LNX2: variants seen among roughly 807,000 people sequenced by gnomAD.
The protein encoded by LNX2 is ligand of numb-protein X 2, also known as ligand of Numb protein X 2.
LNX2 carries 35 observed loss-of-function variants against 66.2 expected under a neutral mutation model. The observed-to-expected ratio is 0.53, with a 90% CI of 0.40 to 0.70. The LOEUF (loss-of-function observed/expected upper bound fraction) is 0.70. LNX2 is among the 30% of genes least tolerant of loss of function. LNX2 has a pLI of 0.00. For missense variants in LNX2, 791 were observed against 850.8 expected (o/e 0.93, Z 0.87); for synonymous variants, 337 against 315.6 (o/e 1.07, Z -0.72).
intron 5 of LNX2, among the ~76,000 whole-genome samples, chr13:27,561,227 G>T (rs1218161032): frequency 6.6e-6 from 1 of 152,080 alleles, no homozygotes; most frequent in Non-Finnish European, 1.5e-5. Flanking sequence ...TCATCCAATT[G>T]AATGAACTAG....
At chr13:27,588,448 G>C (rs1373900818) in intron 1 of LNX2, among the ~76,000 whole-genome samples, 1 of 152,196 alleles carries the variant, frequency 6.6e-6, no homozygotes, top group African/African-American at 2.4e-5. Flanking sequence ...ATTGTTCCAT[G>C]CATATAACAT....
At chr13:27,620,317 G>A (rs912212310) in intron 1 of LNX2, 58 bp downstream of exon 1, 20 of 152,234 alleles carry the variant, frequency 1.3e-4, no homozygotes, top group African/African-American at 4.8e-4. Context: ...CACCTGAGGC[G>A]GCTGCCCGCA....
intron 1 of LNX2, among the ~76,000 whole-genome samples, chr13:27,587,750 G>A (rs572359693): frequency 5.6e-4 from 85 of 151,670 alleles, no homozygotes; most frequent in Non-Finnish European, 9.6e-4. Context: ...CGCCAGGCGC[G>A]GTGGCTCACG....
rs541446267 is a variant in LNX2, at chr13:27,546,625, T to A, written c.*1710A>T. ...AATCAGTGACATGCTACAGATACAA[T>A]AAACCCCAGCAATACAATTGCTAAG... On this transcript the variant is annotated 3_prime_UTR_variant, in exon 10 of 10. Coordinates refer to ENST00000316334, the MANE Select transcript of LNX2 (RefSeq NM_153371.4). 1 of 152,310 alleles carries A rather than the reference T, an allele frequency of 6.6e-6. No individual in the cohort carries two copies. The highest frequency in any genetic ancestry group is 1.5e-5 in the Non-Finnish European group (1 of 68,014). The allele number at this position is 152,310 out of a possible 1,614,324, so 9.4% of individuals were successfully genotyped here.
chr13:27,613,259 A>G (rs1955791851), intron 1 of LNX2, among the ~76,000 whole-genome samples: 1 of 151,868 alleles, frequency 6.6e-6, no homozygotes, highest in Admixed American at 6.6e-5. Flanking sequence ...CAAGGCCAAA[A>G]GGTGTCCCTG....
At position 27,562,298 on chromosome 13, in the gene LNX2, T is replaced by C. The variant is rs1193929632; in HGVS notation, c.1224+115A>G. ...AAGAATTCAGGTAGCCACACCCGAT[T>C]TTCTAATGAAATATAAAATGTCCCC... On this transcript the variant is annotated intron_variant, in intron 5 of 9. Coordinates refer to ENST00000316334, the MANE Select transcript of LNX2 (RefSeq NM_153371.4). 24 of 1,332,028 alleles carry C rather than the reference T, an allele frequency of 1.8e-5. No individual in the cohort carries two copies. The South Asian group carries it at 3.3e-4, about 19-fold the overall frequency. 82.5% of individuals were successfully genotyped at this position (1,332,028 alleles called of 1,614,324 possible). A position where few individuals can be genotyped will look rare whatever the true frequency, so the allele number is the denominator to read the frequency against.
At chr13:27,549,389 T>G (rs141603651) in intron 9 of LNX2, among the ~76,000 whole-genome samples, 1 of 150,800 alleles carries the variant, frequency 6.6e-6, no homozygotes, top group Non-Finnish European at 1.5e-5. Context: ...CTGGTGATGA[T>G]GTCTTGCCAT....
chr13:27,594,722 G>T (rs1006107465), intron 1 of LNX2, among the ~76,000 whole-genome samples: 1 of 151,948 alleles, frequency 6.6e-6, no homozygotes, highest in Non-Finnish European at 1.5e-5. Flanking sequence ...TATATTCCCA[G>T]TATCACATAA....
chr13:27,569,297 G>T, intron 2 of LNX2, 21 bp from the exon 3 acceptor site: 1 of 1,596,830 alleles, frequency 6.3e-7, no homozygotes, highest in South Asian at 1.1e-5. Flanking sequence ...AATATCAGAT[G>T]GTTTCCAGAT....
intron 4 of LNX2, among the ~76,000 whole-genome samples, chr13:27,564,834 AAATACC>A (rs540284636): frequency 5.0e-4 from 76 of 152,314 alleles, no homozygotes; most frequent in African/African-American, 1.8e-3. Flanking sequence ...AGATAGTAAA[AAATACC>A]AATAGGCCTC....
At chr13:27,580,091 GAAAT>G (rs749110174) in intron 2 of LNX2, among the ~76,000 whole-genome samples, 2 of 151,852 alleles carry the variant, frequency 1.3e-5, no homozygotes, top group African/African-American at 2.4e-5. Context: ...CTGATGTTTA[GAAAT>G]AAATATCAAC....
At chr13:27,605,435 A>C (rs183448998) in intron 1 of LNX2, among the ~76,000 whole-genome samples, 2 of 152,340 alleles carry the variant, frequency 1.3e-5, no homozygotes, top group Admixed American at 6.5e-5. Context: ...CTTAGAACCT[A>C]TCTCTTCATT....
Position 27,593,562 on chromosome 13 carries a change from AC to A in LNX2, c.-100-11760del, listed in dbSNP as rs1286853326. ...TCCTTGAAACTCTTTGCTGGCTGAAACTTTTTTTTTTTTTTTTTTTTTGAGA... is the reference window on the plus strand; with the variant it reads ...TCCTTGAAACTCTTTGCTGGCTGAAATTTTTTTTTTTTTTTTTTTTTGAGA... On this transcript the variant is annotated intron_variant, in intron 1 of 9. Coordinates refer to ENST00000316334, the MANE Select transcript of LNX2 (RefSeq NM_153371.4). Among the ~76,000 whole-genome samples the A allele has an allele frequency of 8.8e-5, 12 of 136,382 alleles. No individual in the cohort carries two copies. The South Asian group carries it at 2.5e-3, about 29-fold the overall frequency. 89.5% of individuals were successfully genotyped at this position (136,382 alleles called of 152,430 possible).
chr13:27,613,898 C>T (rs570514506), intron 1 of LNX2, among the ~76,000 whole-genome samples: 23 of 152,300 alleles, frequency 1.5e-4, no homozygotes, highest in Non-Finnish European at 3.1e-4. Context: ...TTTTGTGTGC[C>T]ACCCAAGCCC....
At chr13:27,554,056 G>T (rs1429532071) in intron 7 of LNX2, among the ~76,000 whole-genome samples, 1 of 152,178 alleles carries the variant, frequency 6.6e-6, no homozygotes, top group Non-Finnish European at 1.5e-5. Context: ...TATATCAAAG[G>T]TTAGGAAAGG....
intron 1 of LNX2, among the ~76,000 whole-genome samples, chr13:27,608,390 A>C (rs974737264): frequency 6.6e-6 from 1 of 152,214 alleles, no homozygotes; most frequent in Admixed American, 6.5e-5. Context: ...AGAATGGTAC[A>C]CAGCACAGAA....
At chr13:27,585,252 C>T (rs971428523) in intron 1 of LNX2, among the ~76,000 whole-genome samples, 4 of 151,806 alleles carry the variant, frequency 2.6e-5, no homozygotes, top group African/African-American at 9.7e-5. Flanking sequence ...AGTGAAACCC[C>T]GTCTCTACTA....
chr13:27,557,905 C>T (rs781718787), intron 6 of LNX2, among the ~76,000 whole-genome samples: 1 of 152,046 alleles, frequency 6.6e-6, no homozygotes, highest in Non-Finnish European at 1.5e-5. Flanking sequence ...CTGAAGACAA[C>T]TCAGGTAAAC....
intron 2 of LNX2, among the ~76,000 whole-genome samples, chr13:27,576,268 T>C (rs553182932): frequency 1.3e-5 from 2 of 152,182 alleles, no homozygotes; most frequent in African/African-American, 2.4e-5. Context: ...ACAGAACAAC[T>C]AGACATGGAA....
Sources: gnomAD v4.1 joint callset for allele counts (sites outside exome capture counted in the v4.1 genomes callset) on GRCh38, gnomAD v4.1.1 for gene constraint, MANE v1.5 for transcripts, NCBI Gene and HGNC (gene_info 2026-07-23, HGNC 2026-07-21) for gene names.